LIX1: variants seen among roughly 807,000 people sequenced by gnomAD.
LIX1 encodes the protein limb and CNS expressed 1.
A neutral mutation model predicts 33.4 loss-of-function variants in LIX1; 24 were observed. That is an observed-to-expected ratio of 0.72 (90% CI 0.52 to 1.01). The LOEUF (loss-of-function observed/expected upper bound fraction) is 1.01, where lower values mean the gene tolerates loss of function less well. Among genes scored for constraint, LIX1 ranks in the 50% least tolerant of loss-of-function variants. The probability of loss-of-function intolerance (pLI) is 0.00; values close to 1 mark genes in which losing one functional copy is unlikely to be tolerated. For synonymous variants in LIX1, 124 were observed against 124.0 expected (o/e 1.00, Z 0.00); for missense variants, 311 against 339.2 (o/e 0.92, Z 0.65).
chr5:97,140,199 GA>G (rs1366906369), intron 1 of LIX1, among the ~76,000 whole-genome samples: 1 of 152,120 alleles, frequency 6.6e-6, no homozygotes. Flanking sequence ...GATAAATTAA[GA>G]AAAAATTTAA....
intron 1 of LIX1, among the ~76,000 whole-genome samples, chr5:97,138,250 A>T (rs977866694): frequency 6.6e-5 from 10 of 152,206 alleles, no homozygotes; most frequent in African/African-American, 2.4e-4. Context: ...AAACCAACTC[A>T]TTCTCATGGC....
intron 1 of LIX1, among the ~76,000 whole-genome samples, chr5:97,140,786 C>T (rs762907385): frequency 2.0e-4 from 30 of 152,148 alleles, no homozygotes; most frequent in Non-Finnish European, 4.1e-4. Flanking sequence ...GGGAGAGAAT[C>T]GGCAGTTTAA....
At chr5:97,139,462 A>C (rs1056781191) in intron 1 of LIX1, among the ~76,000 whole-genome samples, 1 of 152,260 alleles carries the variant, frequency 6.6e-6, no homozygotes, top group Non-Finnish European at 1.5e-5. Context: ...AAACAGTGGC[A>C]AATGAATAGT....
At chr5:97,097,036 T>C (rs1746417017) in intron 4 of LIX1, 149 bp from the exon 5 acceptor site, 7 of 641,358 alleles carry the variant, frequency 1.1e-5, no homozygotes. Context: ...AAGCCCAGGG[T>C]CCCAGGGCTT....
chr5:97,102,624 T>C (rs1361615501), intron 4 of LIX1, among the ~76,000 whole-genome samples: 1 of 152,206 alleles, frequency 6.6e-6, no homozygotes, highest in Admixed American at 6.5e-5. Flanking sequence ...TTAAATACCT[T>C]ACTACAGACC....
intron 2 of LIX1, among the ~76,000 whole-genome samples, chr5:97,112,798 T>TAAA: frequency 1.8e-5 from 2 of 108,356 alleles, no homozygotes; most frequent in South Asian, 5.4e-4. Flanking sequence ...AAAATTAAAG[T>TAAA]AAAAAAAAAA....
intron 1 of LIX1, among the ~76,000 whole-genome samples, chr5:97,140,900 G>C (rs967767614): frequency 1.3e-5 from 2 of 152,196 alleles, no homozygotes; most frequent in Non-Finnish European, 2.9e-5. Flanking sequence ...GTTAATGAAT[G>C]AAATATATAA....
chr5:97,099,788 G>A (rs577649355), intron 4 of LIX1, among the ~76,000 whole-genome samples: 3 of 152,254 alleles, frequency 2.0e-5, no homozygotes, highest in Admixed American at 6.5e-5. Context: ...AGTCAGCTGC[G>A]ATCGCGATAC....
In LIX1 at chr5:97,124,681, G is replaced by A. The variant is rs751100489; in HGVS notation, c.83-52C>T. 1.4e-5 allele frequency: 21 copies of A among 1,509,862 alleles called. No individual in the cohort carries two copies. The South Asian group carries it at 2.0e-4, about 15-fold the overall frequency. The allele number at this position is 1,509,862 out of a possible 1,614,324, so 93.5% of individuals were successfully genotyped here. A position where few individuals can be genotyped will look rare whatever the true frequency, so the allele number is the denominator to read the frequency against. On this transcript the variant is annotated intron_variant, in intron 1 of 5. Coordinates refer to ENST00000274382, the MANE Select transcript of LIX1 (RefSeq NM_153234.5). Reference sequence around the variant, plus strand: ...TTATTAAGGATGGACATAATCTGGTGCAAAACCAAAATTTTATTTGCAAGC... The same window carrying A: ...TTATTAAGGATGGACATAATCTGGTACAAAACCAAAATTTTATTTGCAAGC...
intron 4 of LIX1, among the ~76,000 whole-genome samples, chr5:97,098,572 G>A (rs1401212315): frequency 6.6e-6 from 1 of 152,172 alleles, no homozygotes; most frequent in African/African-American, 2.4e-5. Flanking sequence ...AACATAGACA[G>A]ATGTCCTACT....
At chr5:97,138,273 T>A (rs1194453784) in intron 1 of LIX1, among the ~76,000 whole-genome samples, 1 of 152,258 alleles carries the variant, frequency 6.6e-6, no homozygotes, top group African/African-American at 2.4e-5. Flanking sequence ...CAGTGACAAT[T>A]AAGATACTTT....
At chr5:97,139,164 G>A (rs1012908394) in intron 1 of LIX1, among the ~76,000 whole-genome samples, 2 of 152,166 alleles carry the variant, frequency 1.3e-5, no homozygotes, top group South Asian at 2.1e-4. Flanking sequence ...CCTTGGGCAC[G>A]TCATTTTAAC....
At chr5:97,102,871 A>G (rs1746788971) in intron 4 of LIX1, among the ~76,000 whole-genome samples, 1 of 152,186 alleles carries the variant, frequency 6.6e-6, no homozygotes. Flanking sequence ...TGTTCATTCC[A>G]TAATAAAAGA....
At chr5:97,099,813 G>T (rs183885607) in intron 4 of LIX1, among the ~76,000 whole-genome samples, 1 of 152,110 alleles carries the variant, frequency 6.6e-6, no homozygotes, top group African/African-American at 2.4e-5. Context: ...CTCCAGCCTC[G>T]GCAAGTGAGT....
In LIX1 at chr5:97,113,690, A is replaced by G. The variant is rs541584436; in HGVS notation, c.247-6190T>C. Among the ~76,000 whole-genome samples the G allele has an allele frequency of 5.3e-5, 8 of 152,208 alleles. No homozygotes were observed. In the South Asian group the frequency reaches 1.7e-3, roughly 32 times the overall value. ...AGTCCAGATTTTTAACCACTTTGCT[A>G]TTTTGCTCTTCACAGAAATGGCCAC... is the stretch of plus-strand genomic sequence containing the variant. On this transcript the variant is annotated intron_variant, in intron 2 of 5. Coordinates refer to ENST00000274382, the MANE Select transcript of LIX1 (RefSeq NM_153234.5).
chr5:97,127,795 C>T (rs1400704111), intron 1 of LIX1, among the ~76,000 whole-genome samples: 1 of 152,188 alleles, frequency 6.6e-6, no homozygotes, highest in East Asian at 1.9e-4. Context: ...AATGATCCTG[C>T]CTTCCATGTT....
chr5:97,126,674 C>A, intron 1 of LIX1, among the ~76,000 whole-genome samples: 1 of 133,742 alleles, frequency 7.5e-6, no homozygotes, highest in East Asian at 2.2e-4. Context: ...GAGTCTTGCT[C>A]AATCGCCCAG....
chr5:97,096,921 A>T, intron 4 of LIX1, 34 bp from the exon 5 acceptor site: 1 of 1,518,680 alleles, frequency 6.6e-7, no homozygotes, highest in Non-Finnish European at 9.1e-7. Context: ...TTGGTCCCAA[A>T]GCAGAAATGT....
At chr5:97,103,971 G>GAAAAAAAA (rs36039071) in intron 4 of LIX1, among the ~76,000 whole-genome samples, 9 of 107,366 alleles carry the variant, frequency 8.4e-5, no homozygotes, top group Non-Finnish European at 1.3e-4. Flanking sequence ...TCTCAAAAAA[G>GAAAAAAAA]AAAAAAAAAA....
Sources: allele counts gnomAD v4.1 joint callset (sites outside exome capture counted in the v4.1 genomes callset), GRCh38; gene constraint gnomAD v4.1.1; transcripts MANE v1.5; gene names NCBI Gene and HGNC (gene_info 2026-07-23, HGNC 2026-07-21).